Variants in FES observed in about 807,000 individuals in gnomAD.
FES encodes tyrosine-protein kinase Fes/Fps.
A neutral mutation model predicts 109.6 loss-of-function variants in FES; 83 were observed. That is an observed-to-expected ratio of 0.76 (90% CI 0.63 to 0.91). The LOEUF is 0.91. FES is among the 40% of genes least tolerant of loss of function. The pLI is 0.00. For missense variants in FES, 943 were observed against 1,070.9 expected (o/e 0.88, Z 1.67); for synonymous variants, 458 against 442.1 (o/e 1.04, Z -0.45).
chr15:90,891,610 C>T lies in FES; in HGVS notation c.1587C>T (p.His529=). The T allele has an allele frequency of 6.2e-7, 1 of 1,614,076 alleles. No homozygotes were observed. Among genetic ancestry groups the T allele is most frequent in the South Asian group, 1.1e-5 (1 of 91,092 alleles). ...GFPSIPLLID[H]LLSTQQPLTK... Reference sequence around the variant, plus strand: ...CTAGCATTCCTTTGCTCATCGACCACCTACTGAGCACCCAGCAGCCCCTCA... The same window carrying T: ...CTAGCATTCCTTTGCTCATCGACCATCTACTGAGCACCCAGCAGCCCCTCA... Residue 529 remains histidine, a synonymous_variant, in exon 12 of 19, where the codon CAC becomes CAT. Coordinates refer to ENST00000328850, the MANE Select transcript of FES (RefSeq NM_002005.4).
chr15:90,892,047 C>G lies in FES; in HGVS notation c.1654-11C>G, dbSNP rs757179952. ...TCAGACTTCTGATCCCCTGTCTCCT[C>G]TCTTCCCCAGGACAAGTGGGTGCTG... On this transcript the variant is annotated splice_polypyrimidine_tract_variant and intron_variant, in intron 12 of 18. Coordinates refer to ENST00000328850, the MANE Select transcript of FES (RefSeq NM_002005.4). The G allele has an allele frequency of 9.9e-6, 16 of 1,614,140 alleles. No individual in the cohort carries two copies. The highest frequency in any genetic ancestry group is 1.1e-5 in the Non-Finnish European group (13 of 1,179,986).
At chr15:90,890,320 C>T (rs985403005) in intron 9 of FES, 42 bp downstream of exon 9, 7 of 1,589,162 alleles carry the variant, frequency 4.4e-6, no homozygotes, top group African/African-American at 1.3e-5. Flanking sequence ...CACCGGCCTG[C>T]CCACCTGGGG....
chr15:90,895,406 C>T lies in FES; in HGVS notation c.2327-10C>T. The T allele has an allele frequency of 6.6e-7, 1 of 1,518,150 alleles. No individual in the cohort carries two copies. Among genetic ancestry groups the T allele is most frequent in the African/African-American group, 1.4e-5 (1 of 71,504 alleles). The allele number at this position is 1,518,150 out of a possible 1,614,324, so 94.0% of individuals were successfully genotyped here. On this transcript the variant is annotated splice_polypyrimidine_tract_variant and intron_variant, in intron 18 of 18. Transcript: ENST00000328850. ...TCCTCATGCCTGGTGTGCTGTGCCTCTCCTCACAGGGGGCCGTCTGCCCTG... is the reference window on the plus strand; with the variant it reads ...TCCTCATGCCTGGTGTGCTGTGCCTTTCCTCACAGGGGGCCGTCTGCCCTG...
intron 10 of FES, 173 bp downstream of exon 10, chr15:90,890,657 T>C: frequency 1.5e-6 from 1 of 654,394 alleles, no homozygotes; most frequent in Non-Finnish European, 2.6e-6. Context: ...TCCCTTTCCA[T>C]CGCCCCAGTG....
In FES at chr15:90,891,610, C is replaced by G; in HGVS notation, c.1587C>G (p.His529Gln). Residue 529 changes from histidine (H) to glutamine (Q), a missense_variant, in exon 12 of 19, where the codon CAC (histidine) becomes CAG (glutamine). By Grantham distance (24) the His-to-Gln change is conservative (BLOSUM62 0). Transcript: ENST00000328850. ...GFPSIPLLIDHLLSTQQPLTK... is the reference protein window; with the variant it reads ...GFPSIPLLIDQLLSTQQPLTK... The stretch of plus-strand genomic sequence containing the variant: ...CTAGCATTCCTTTGCTCATCGACCA[C>G]CTACTGAGCACCCAGCAGCCCCTCA... The G allele has an allele frequency of 6.2e-7, 1 of 1,614,076 alleles. No individual in the cohort carries two copies. The highest frequency in any genetic ancestry group is 8.5e-7 in the Non-Finnish European group (1 of 1,180,012).
At position 90,893,777 on chromosome 15, in the gene FES, C is replaced by T. The variant is rs764774064; in HGVS notation, c.2169C>T (p.Pro723=). 7.5e-6 allele frequency: 12 copies of T among 1,604,692 alleles called. 1 individual carries two copies. Among genetic ancestry groups the T allele is most frequent in the South Asian group, 4.4e-5 (4 of 90,276 alleles). The change falls in exon 17 of 19, where the codon CCC becomes CCT. Residue 723 remains proline, a synonymous_variant. Transcript: ENST00000328850. Reference sequence around the variant, plus strand: ...CCTCAGGGGGCCTCAGACAAGTCCCCGTGAAGTGGACCGCACCTGAGGCCC... The same window carrying T: ...CCTCAGGGGGCCTCAGACAAGTCCCTGTGAAGTGGACCGCACCTGAGGCCC... ...YAASGGLRQV[P]VKWTAPEALN... is the part of the protein sequence containing the mutation.
chr15:90,886,109 A>C (rs889066695), intron 3 of FES, among the ~76,000 whole-genome samples: 2 of 152,162 alleles, frequency 1.3e-5, no homozygotes, highest in Admixed American at 6.5e-5. Flanking sequence ...TAGTGCCCCC[A>C]TTCAGTGTGC....
chr15:90,893,050 C>T (rs2033377523), intron 14 of FES, 50 bp from the exon 15 acceptor site: 2 of 1,581,684 alleles, frequency 1.3e-6, no homozygotes, highest in African/African-American at 1.3e-5. Flanking sequence ...CTGGGGGGCC[C>T]TGGGGAGGCG....
In FES at chr15:90,895,504, C is replaced by T; in HGVS notation, c.2415C>T (p.Pro805=). The T allele has an allele frequency of 6.3e-7, 1 of 1,599,000 alleles. No individual in the cohort carries two copies. Among genetic ancestry groups the T allele is most frequent in the South Asian group, 1.1e-5 (1 of 88,938 alleles). The change falls in exon 19 of 19, where the codon CCC becomes CCT. Residue 805 remains proline, a synonymous_variant. Coordinates refer to ENST00000328850, the MANE Select transcript of FES (RefSeq NM_002005.4). The part of the protein sequence containing the change: ...QCWAYEPGQR[P]SFSTIYQELQ... Reference sequence around the variant, plus strand: ...GGGCCTATGAGCCTGGGCAGCGGCCCAGCTTCAGCACCATCTACCAGGAGC... The same window carrying T: ...GGGCCTATGAGCCTGGGCAGCGGCCTAGCTTCAGCACCATCTACCAGGAGC...
intron 1 of FES, 81 bp from the exon 2 acceptor site, chr15:90,884,956 A>G (rs1243003149): frequency 1.7e-6 from 2 of 1,191,878 alleles, no homozygotes; most frequent in South Asian, 1.4e-5. Context: ...TCCTGACCCT[A>G]CAGTCCCCAG....
rs551187695 is a variant in FES at position 90,889,149 on chromosome 15, G to A, written c.669-157G>A. On this transcript the variant is annotated intron_variant, in intron 5 of 18. Coordinates refer to ENST00000328850, the MANE Select transcript of FES (RefSeq NM_002005.4). The surrounding 1 kb of genome is among the most constrained non-coding windows in gnomAD (Gnocchi z 6.1). Reference sequence around the variant, plus strand: ...TATATATCAGGAAATAGAAGATTAGGGAGAGGTTAAATAATTTGCCTAGAG... The same window carrying A: ...TATATATCAGGAAATAGAAGATTAGAGAGAGGTTAAATAATTTGCCTAGAG... 1.2e-5 allele frequency: 10 copies of A among 853,418 alleles called. No individual in the cohort carries two copies. The highest frequency in any genetic ancestry group is 7.6e-5 in the East Asian group (3 of 39,388). 52.9% of individuals were successfully genotyped at this position (853,418 alleles called of 1,614,324 possible). A position where few individuals can be genotyped will look rare whatever the true frequency, so the allele number is the denominator to read the frequency against.
chr15:90,893,219 G>A, intron 15 of FES, 25 bp downstream of exon 15: 3 of 1,613,532 alleles, frequency 1.9e-6, no homozygotes, highest in Non-Finnish European at 1.7e-6. Flanking sequence ...CTGAGCTCCA[G>A]GTAGGGCGCG....
chr15:90,895,678 C>T lies in FES; in HGVS notation c.*120C>T, dbSNP rs2033644269. The T allele has an allele frequency of 2.2e-6, 2 of 890,440 alleles. No homozygotes were observed. The highest frequency in any genetic ancestry group is 3.2e-6 in the Non-Finnish European group (2 of 627,594). 55.2% of individuals were successfully genotyped at this position (890,440 alleles called of 1,614,324 possible). A position where few individuals can be genotyped will look rare whatever the true frequency, so the allele number is the denominator to read the frequency against. On this transcript the variant is annotated 3_prime_UTR_variant, in exon 19 of 19. Transcript: ENST00000328850. ...TGGACTCCTGCCACCAGCATCCACA[C>T]TGCCGGCAGGATGCAGCGCCGTGTC...
intron 18 of FES, among the ~76,000 whole-genome samples, chr15:90,894,999 G>A (rs1023530054): frequency 1.3e-5 from 2 of 152,160 alleles, no homozygotes; most frequent in Non-Finnish European, 2.9e-5. Flanking sequence ...CCTGGGAGGT[G>A]GAGGTTGCAG....
In FES at chr15:90,895,673, C is replaced by A; in HGVS notation, c.*115C>A. 1 of 938,302 alleles carries A rather than the reference C, an allele frequency of 1.1e-6. No homozygotes were observed. The highest frequency in any genetic ancestry group is 1.5e-6 in the Non-Finnish European group (1 of 669,070). 58.1% of individuals were successfully genotyped at this position (938,302 alleles called of 1,614,324 possible). A position where few individuals can be genotyped will look rare whatever the true frequency, so the allele number is the denominator to read the frequency against. On this transcript the variant is annotated 3_prime_UTR_variant, in exon 19 of 19. Transcript: ENST00000328850. ...AGTCCTGGACTCCTGCCACCAGCAT[C>A]CACACTGCCGGCAGGATGCAGCGCC...
chr15:90,891,879 G>A (rs1188180574), intron 12 of FES, among the ~76,000 whole-genome samples, 179 bp from the exon 13 acceptor site: 1 of 152,250 alleles, frequency 6.6e-6, no homozygotes, highest in Non-Finnish European at 1.5e-5. Context: ...TACACACCAG[G>A]TTGGTGCTTA....
rs761013448 is a variant in FES at position 90,892,074 on chromosome 15, A to T, written c.1670A>T (p.Asn557Ile). ...RAVPKDKWVL[N>I]HEDLVLGEQI... The stretch of plus-strand genomic sequence containing the variant: ...CTTCCCCAGGACAAGTGGGTGCTGA[A>T]CCATGAGGACCTGGTGTTGGGTGAG... Residue 557 changes from asparagine to isoleucine, a missense_variant, in exon 13 of 19, where the codon AAC (asparagine) becomes ATC (isoleucine). Coordinates refer to ENST00000328850, the MANE Select transcript of FES (RefSeq NM_002005.4). 7.4e-6 allele frequency: 12 copies of T among 1,613,994 alleles called. No homozygotes were observed. The South Asian group carries it at 1.3e-4, about 18-fold the overall frequency.
At position 90,886,875 on chromosome 15, in the gene FES, A is replaced by T; in HGVS notation, c.388-86A>T. 1.5e-6 allele frequency: 2 copies of T among 1,293,190 alleles called. 1 individual carries two copies. The highest frequency in any genetic ancestry group is 2.4e-5 in the South Asian group (2 of 82,152). The allele number at this position is 1,293,190 out of a possible 1,614,324, so 80.1% of individuals were successfully genotyped here. A position where few individuals can be genotyped will look rare whatever the true frequency, so the allele number is the denominator to read the frequency against. ...CTCCAGGTGCTCCTTGCCTGACGAC[A>T]GGACCTTTCCAGGGCTTCACCCCAG... is the stretch of plus-strand genomic sequence containing the variant. On this transcript the variant is annotated intron_variant, in intron 3 of 18. Transcript: ENST00000328850.
In FES at chr15:90,890,057, T is replaced by C. The variant is rs752256876; in HGVS notation, c.1050-35T>C. On this transcript the variant is annotated intron_variant, in intron 8 of 18. Coordinates refer to ENST00000328850, the MANE Select transcript of FES (RefSeq NM_002005.4). ...CTACCCGCCGCAGACCGAGCCCTTATTCTCATCCACCCTCCCACCCGCCCC... is the reference window on the plus strand; with the variant it reads ...CTACCCGCCGCAGACCGAGCCCTTACTCTCATCCACCCTCCCACCCGCCCC... The C allele has an allele frequency of 7.0e-6, 11 of 1,565,884 alleles. No individual in the cohort carries two copies. In the South Asian group the frequency reaches 1.3e-4, roughly 18 times the overall value.
Sources: allele counts gnomAD v4.1 joint callset (sites outside exome capture counted in the v4.1 genomes callset), GRCh38; gene constraint gnomAD v4.1.1; non-coding constraint Gnocchi (gnomAD v3.1); transcripts MANE v1.5; gene names NCBI Gene and HGNC (gene_info 2026-07-23, HGNC 2026-07-21).